The following SETD2 variants were observed in gnomAD, a reference collection of about 807,000 sequenced individuals.
SETD2 encodes histone-lysine N-methyltransferase SETD2.
SETD2 carries 31 observed loss-of-function variants against 242.1 expected under a neutral mutation model. That is an observed-to-expected ratio of 0.13 (90% CI 0.10 to 0.17). The LOEUF (loss-of-function observed/expected upper bound fraction) is 0.17, where lower values mean the gene tolerates loss of function less well. Among genes scored for constraint, SETD2 ranks in the 10% least tolerant of loss-of-function variants. The probability of loss-of-function intolerance (pLI) is 1.00; values close to 1 mark genes in which losing one functional copy is unlikely to be tolerated. For missense variants in SETD2, 2,481 were observed against 3,046.3 expected (o/e 0.81, Z 4.37); for synonymous variants, 1,006 against 1,066.5 (o/e 0.94, Z 1.11).
intron 1 of SETD2, among the ~76,000 whole-genome samples, chr3:47,155,469 A>C (rs898189290): frequency 1.3e-5 from 2 of 152,250 alleles, no homozygotes; most frequent in Non-Finnish European, 2.9e-5. Flanking sequence ...ATGGGAATTC[A>C]CTGTGCTATT....
Position 47,093,636 on chromosome 3 carries a change from A to T in SETD2, c.5142+4319T>A, listed in dbSNP as rs2041892518. 3.9e-5 allele frequency among the ~76,000 whole-genome samples: 6 copies of T among 152,128 alleles called. No homozygotes were observed. The South Asian group carries it at 1.2e-3, about 32-fold the overall frequency. On this transcript the variant is annotated intron_variant, in intron 9 of 20. Coordinates refer to ENST00000409792, the MANE Select transcript of SETD2 (RefSeq NM_014159.7). ...TATTTCTACTTTTTCTGATATCATA[A>T]GCAATGCTGTTGTGACTTCTGATAT...
At chr3:47,161,938 C>T (rs111542000) in intron 1 of SETD2, among the ~76,000 whole-genome samples, 17 of 150,386 alleles carry the variant, frequency 1.1e-4, no homozygotes, top group South Asian at 8.4e-4. Context: ...AAAAAATACA[C>T]GAGAATTTAA....
At chr3:47,103,463 C>T in intron 6 of SETD2, 40 bp from the exon 7 acceptor site, 1 of 1,341,050 alleles carries the variant, frequency 7.5e-7, no homozygotes, top group Non-Finnish European at 1.1e-6. Context: ...AAAATAATAC[C>T]TTAAATATTC....
In SETD2 at chr3:47,120,314, C is replaced by T. The variant is rs2107740187; in HGVS notation, c.4322G>A (p.Gly1441Asp). 1.2e-6 allele frequency: 2 copies of T among 1,613,916 alleles called. No homozygotes were observed. Among genetic ancestry groups the T allele is most frequent in the Middle Eastern group, 1.7e-4 (1 of 6,056 alleles). The change falls in exon 3 of 21, where the codon GGT (glycine) becomes GAT (aspartate). Residue 1441 changes from glycine to aspartate, a missense_variant. By Grantham distance (94) the Gly-to-Asp change is moderately conservative. Around this residue, in one of 17 missense-constraint regions of SETD2, gnomAD observed 1,300 missense variants for 1,259.2 expected, o/e 1.03. Coordinates refer to ENST00000409792, the MANE Select transcript of SETD2 (RefSeq NM_014159.7). ...VEQGETSVPP[G>D]SALVGPSCVM... ...ACAGGAGGGCCCAACCAGTGCTGAACCTGGGGGCACTGATGTCTCTCCCTG... is the reference window on the plus strand; with the variant it reads ...ACAGGAGGGCCCAACCAGTGCTGAATCTGGGGGCACTGATGTCTCTCCCTG...
At chr3:47,117,290 A>C (rs1022145457) in intron 3 of SETD2, among the ~76,000 whole-genome samples, 3 of 151,544 alleles carry the variant, frequency 2.0e-5, no homozygotes, top group African/African-American at 7.3e-5. Context: ...ACAAACAAAA[A>C]AAAAAACATG....
chr3:47,103,009 T>C lies in SETD2; in HGVS notation c.4917+337A>G, dbSNP rs146854356. 1.7e-3 allele frequency among the ~76,000 whole-genome samples: 261 copies of C among 152,296 alleles called. 2 individuals are homozygous for C. The highest frequency in any genetic ancestry group is 5.5e-3 in the African/African-American group (229 of 41,562). On this transcript the variant is annotated intron_variant, in intron 7 of 20. Coordinates refer to ENST00000409792, the MANE Select transcript of SETD2 (RefSeq NM_014159.7). ...ACTAAATGCAATGTGAGTTCCTGGA[T>C]TGGATCTTGGACCAGAAAAACAACA...
rs902743748 is a variant in SETD2, at chr3:47,016,528, T to C, written c.*565A>G. 1 of 233,608 alleles carries C rather than the reference T, an allele frequency of 4.3e-6. No individual in the cohort carries two copies. The highest frequency in any genetic ancestry group is 6.0e-5 in the East Asian group (1 of 16,560). The allele number at this position is 233,608 out of a possible 1,614,324, so 14.5% of individuals were successfully genotyped here. On this transcript the variant is annotated 3_prime_UTR_variant, in exon 21 of 21. Coordinates refer to ENST00000409792, the MANE Select transcript of SETD2 (RefSeq NM_014159.7). ...AAGCAGTAAATCAATCTTATCAACA[T>C]AGCACAAGGCTGGCCAAAACCACAA...
intron 3 of SETD2, chr3:47,119,858 TTC>T (rs1186146613): frequency 2.1e-6 from 1 of 479,824 alleles, no homozygotes; most frequent in African/African-American, 2.0e-5. Context: ...TGGGGTTTTA[TTC>T]TGTTTTTTTG....
chr3:47,040,707 G>A (rs1239000203), intron 17 of SETD2, among the ~76,000 whole-genome samples: 1 of 148,730 alleles, frequency 6.7e-6, no homozygotes, highest in Non-Finnish European at 1.5e-5. Flanking sequence ...CCAACTAGTT[G>A]TGACTACAGG....
chr3:47,107,814 T>C (rs2042496128), intron 5 of SETD2, among the ~76,000 whole-genome samples: 2 of 150,190 alleles, frequency 1.3e-5, no homozygotes, highest in South Asian at 2.1e-4. Context: ...TGACAAACAA[T>C]AAAAAATTAA....
At chr3:47,042,848 G>T in intron 16 of SETD2, 148 bp from the exon 17 acceptor site, 1 of 730,212 alleles carries the variant, frequency 1.4e-6, no homozygotes, top group Non-Finnish European at 2.2e-6. Context: ...GGGAAATAAG[G>T]GACAGTATAT....
rs145911577 is a variant in SETD2, at chr3:47,027,336, C to CAAAAAA, written c.7351-7502_7351-7497dup. Among the ~76,000 whole-genome samples the CAAAAAA allele has an allele frequency of 9.7e-4, 101 of 103,720 alleles. 1 individual carries two copies. The highest frequency in any genetic ancestry group is 1.4e-3 in the Non-Finnish European group (80 of 57,274). 68.0% of individuals were successfully genotyped at this position (103,720 alleles called of 152,430 possible). ...TGGGCGACAGAGCGAGACTCCATCT[C>CAAAAAA]AAAAAAAAAAAAAAAAAAAAAAAAA... On this transcript the variant is annotated intron_variant, in intron 18 of 20. Transcript: ENST00000409792.
At chr3:47,091,110 A>G (rs1487678342) in intron 9 of SETD2, among the ~76,000 whole-genome samples, 2 of 152,232 alleles carry the variant, frequency 1.3e-5, no homozygotes, top group African/African-American at 2.4e-5. Flanking sequence ...GAGTAAATAC[A>G]TGAACAGAAA....
At chr3:47,091,954 C>CA (rs926555668) in intron 9 of SETD2, among the ~76,000 whole-genome samples, 278 of 148,612 alleles carry the variant, frequency 1.9e-3, no homozygotes, top group African/African-American at 6.3e-3. Flanking sequence ...TAAAAACAAA[C>CA]AAAAAAAAAG....
In SETD2 at chr3:47,123,196, G is replaced by A. The variant is rs2106697698; in HGVS notation, c.1440C>T (p.Tyr480=). ...SRRTSSHSSS[Y]RDLRTSSYSK... ...AATAGGATGATGTCCTTAGGTCTCT[G>A]TAAGAAGAGGAATGAGATGAGGTAC... The change falls in exon 3 of 21, where the codon TAC becomes TAT. Residue 480 remains tyrosine, a synonymous_variant. Coordinates refer to ENST00000409792, the MANE Select transcript of SETD2 (RefSeq NM_014159.7). 2.5e-6 allele frequency: 4 copies of A among 1,589,568 alleles called. No individual in the cohort carries two copies. Among genetic ancestry groups the A allele is most frequent in the Non-Finnish European group, 3.4e-6 (4 of 1,165,916 alleles).
At chr3:47,145,403 TTTTAA>T (rs749210166) in intron 1 of SETD2, 4 of 272,290 alleles carry the variant, frequency 1.5e-5, no homozygotes, top group Non-Finnish European at 3.1e-5. Flanking sequence ...TTGTTTTTGT[TTTTAA>T]GAGACGGGGT....
intron 1 of SETD2, among the ~76,000 whole-genome samples, chr3:47,162,243 G>A (rs543027800): frequency 1.3e-5 from 2 of 152,268 alleles, no homozygotes; most frequent in Admixed American, 1.3e-4. Context: ...ACTTTGTACA[G>A]AGCAAGTGCT....
chr3:47,162,641 G>C (rs560030784), intron 1 of SETD2, among the ~76,000 whole-genome samples: 8 of 152,260 alleles, frequency 5.3e-5, no homozygotes, highest in African/African-American at 1.9e-4. Context: ...ATTCAAAAAC[G>C]AGCCAGAGCA....
chr3:47,120,761 T>C lies in SETD2; in HGVS notation c.3875A>G (p.Gln1292Arg), dbSNP rs761525463. ...CCAGTAATCACGTGTCCCACCATAC[T>C]GTTCTGCATTTTGCTGATACTTGTG... is the stretch of plus-strand genomic sequence containing the variant. Reference protein sequence around the residue: ...GGHKYQQNAEQYGGTRDYWQG... With the variant: ...GGHKYQQNAERYGGTRDYWQG... Residue 1292 changes from glutamine to arginine, a missense_variant, in exon 3 of 21, where the codon CAG becomes CGG. By Grantham distance (43) the Gln-to-Arg change is conservative. Around this residue, in one of 17 missense-constraint regions of SETD2, gnomAD observed 1,300 missense variants for 1,259.2 expected, o/e 1.03. Coordinates refer to ENST00000409792, the MANE Select transcript of SETD2 (RefSeq NM_014159.7). 6.2e-7 allele frequency: 1 copy of C among 1,614,180 alleles called. No homozygotes were observed.
Sources: allele counts gnomAD v4.1 joint callset (sites outside exome capture counted in the v4.1 genomes callset), GRCh38; gene constraint gnomAD v4.1.1; regional missense constraint gnomAD v4.1.1; transcripts MANE v1.5; gene names NCBI Gene and HGNC (gene_info 2026-07-23, HGNC 2026-07-21).